Variants in PIK3R6 observed in about 807,000 individuals in gnomAD.
The protein encoded by PIK3R6 is phosphoinositide 3-kinase regulatory subunit 6.
In PIK3R6, 91 loss-of-function variants were observed where a neutral mutation model predicts 84.9. That is an observed-to-expected ratio of 1.07 (90% CI 0.90 to 1.28). The LOEUF (loss-of-function observed/expected upper bound fraction) is 1.28. Ranked by LOEUF, PIK3R6 falls within the 50% of genes most tolerant of loss-of-function variation. PIK3R6 has a pLI of 0.00. For synonymous variants in PIK3R6, 416 were observed against 411.4 expected, an observed-to-expected ratio of 1.01 and a Z score of -0.13; for missense variants, 996 against 985.1, an observed-to-expected ratio of 1.01 and a Z score of -0.15.
At chr17:8,857,917 A>AT (rs1555540464) in intron 1 of PIK3R6, among the ~76,000 whole-genome samples, 106 of 152,086 alleles carry the variant, frequency 7.0e-4, no homozygotes, top group African/African-American at 2.2e-3. Flanking sequence ...AAAAAAAAAA[A>AT]AGGGAAAGTA....
chr17:8,808,470 G>T (rs2087265953), intron 18 of PIK3R6, among the ~76,000 whole-genome samples: 1 of 152,214 alleles, frequency 6.6e-6, no homozygotes, highest in South Asian at 2.1e-4. Context: ...CTGAGTCACA[G>T]AGATATTAAC....
intron 13 of PIK3R6, among the ~76,000 whole-genome samples, chr17:8,824,651 G>A (rs1206685018): frequency 6.6e-6 from 1 of 152,192 alleles, no homozygotes; most frequent in Non-Finnish European, 1.5e-5. Flanking sequence ...AGGAGAAGGG[G>A]AAAACCAAAA....
At chr17:8,814,898 T>A (rs113695338) in intron 18 of PIK3R6, among the ~76,000 whole-genome samples, 3,438 of 151,864 alleles carry the variant, frequency 0.023, 126 homozygotes, top group African/African-American at 0.076. Context: ...CTCTGAAATT[T>A]AGTATTTATG....
intron 10 of PIK3R6, among the ~76,000 whole-genome samples, chr17:8,829,260 C>CA (rs1187495397): frequency 6.7e-6 from 1 of 150,316 alleles, no homozygotes; most frequent in East Asian, 2.1e-4. Context: ...CACGCATACA[C>CA]ACACAGACAC....
At chr17:8,837,915 T>G in intron 4 of PIK3R6, 44 bp from the exon 5 acceptor site, 1 of 1,554,242 alleles carries the variant, frequency 6.4e-7, no homozygotes, top group South Asian at 1.1e-5. Flanking sequence ...GCTGGGGGAA[T>G]CCCCACTTCA....
rs995279330 is a variant in PIK3R6 at position 8,865,725 on chromosome 17, C to T, written c.-92+1804G>A. Among the ~76,000 whole-genome samples, 7 of 152,058 alleles carry T rather than the reference C, an allele frequency of 4.6e-5. 1 individual carries two copies. Among genetic ancestry groups the T allele is most frequent in the Admixed American group, 3.9e-4 (6 of 15,278 alleles). ...GCCCCCTCAACCTTTAGCCCTTGCC[C>T]CCATGAGGTCTACTTCTCAGATTCC... On this transcript the variant is annotated intron_variant, in intron 1 of 19. Coordinates refer to ENST00000619866, the MANE Select transcript of PIK3R6 (RefSeq NM_001010855.4).
At chr17:8,822,183 C>T (rs1251656940) in intron 16 of PIK3R6, among the ~76,000 whole-genome samples, 3 of 151,866 alleles carry the variant, frequency 2.0e-5, no homozygotes, top group Admixed American at 6.6e-5. Flanking sequence ...AGCCACGGTG[C>T]CAGACCCGGT....
chr17:8,840,276 A>G (rs2047139932), intron 2 of PIK3R6, among the ~76,000 whole-genome samples: 1 of 147,924 alleles, frequency 6.8e-6, no homozygotes, highest in Admixed American at 6.9e-5. Context: ...AAATATGTAT[A>G]TGAAATATAT....
At chr17:8,854,627 C>A (rs1252199412) in intron 1 of PIK3R6, among the ~76,000 whole-genome samples, 6 of 152,126 alleles carry the variant, frequency 3.9e-5, no homozygotes, top group African/African-American at 1.4e-4. Context: ...GGTGATGGAA[C>A]AATTGATCAT....
At chr17:8,836,341 C>T (rs1292366143) in intron 7 of PIK3R6, among the ~76,000 whole-genome samples, 1 of 152,216 alleles carries the variant, frequency 6.6e-6, no homozygotes, top group Non-Finnish European at 1.5e-5. Context: ...AAGACCTATC[C>T]TGTGTTCAGT....
intron 18 of PIK3R6, among the ~76,000 whole-genome samples, chr17:8,807,235 G>A (rs564447772): frequency 3.0e-4 from 46 of 152,290 alleles, no homozygotes; most frequent in African/African-American, 9.4e-4. Flanking sequence ...CTCAGAAAGC[G>A]TCAGCTTCCA....
At chr17:8,834,113 C>T (rs1267538332) in intron 8 of PIK3R6, among the ~76,000 whole-genome samples, 1 of 146,408 alleles carries the variant, frequency 6.8e-6, no homozygotes. Context: ...GCCGAGATCA[C>T]GCCACTGCAC....
chr17:8,844,229 T>C lies in PIK3R6; in HGVS notation c.14-4532A>G, dbSNP rs573324451. On this transcript the variant is annotated intron_variant, in intron 2 of 19. Coordinates refer to ENST00000619866, the MANE Select transcript of PIK3R6 (RefSeq NM_001010855.4). The surrounding 1 kb of genome is among the most constrained non-coding windows in gnomAD (Gnocchi z 4.5). ...TCTATCTCCCTCTGCACCTTGCAAG[T>C]CTGGCCAAGCAGTTCTGGTGGCTGT... 5.3e-5 allele frequency among the ~76,000 whole-genome samples: 8 copies of C among 152,318 alleles called. No homozygotes were observed. The highest frequency in any genetic ancestry group is 1.0e-4 in the Non-Finnish European group (7 of 68,028).
At chr17:8,815,541 A>G (rs1238847613) in intron 18 of PIK3R6, among the ~76,000 whole-genome samples, 2 of 152,164 alleles carry the variant, frequency 1.3e-5, no homozygotes, top group Non-Finnish European at 2.9e-5. Context: ...GTACCAGGCA[A>G]CAAAGAAAAT....
chr17:8,823,547 G>T, intron 13 of PIK3R6, 50 bp from the exon 14 acceptor site: 1 of 1,285,996 alleles, frequency 7.8e-7, no homozygotes, highest in East Asian at 2.4e-5. Flanking sequence ...AGGCCACTGT[G>T]GGAGATGCCA....
intron 18 of PIK3R6, among the ~76,000 whole-genome samples, chr17:8,815,189 T>C (rs1293455058): frequency 1.3e-5 from 2 of 152,180 alleles, no homozygotes; most frequent in Admixed American, 6.5e-5. Context: ...ATTCTATAGA[T>C]AGAAAACAAA....
At chr17:8,815,702 G>A (rs1359813109) in intron 18 of PIK3R6, among the ~76,000 whole-genome samples, 1 of 152,094 alleles carries the variant, frequency 6.6e-6, no homozygotes, top group African/African-American at 2.4e-5. Flanking sequence ...GTGAAGCAGG[G>A]ACTCTTGAAG....
rs2088034480 is a variant in PIK3R6, at chr17:8,828,604, T to C, written c.1276A>G (p.Met426Val). The C allele has an allele frequency of 3.7e-6, 6 of 1,613,264 alleles. No individual in the cohort carries two copies. Among genetic ancestry groups the C allele is most frequent in the Non-Finnish European group, 4.2e-6 (5 of 1,179,660 alleles). The change falls in exon 11 of 20, where the codon ATG becomes GTG. Residue 426 changes from methionine (M) to valine (V), a missense_variant. Met to Val is a conservative substitution (Grantham distance 21). Transcript: ENST00000619866. ...TAGGCCTGGGCCAGGCGCCCCAGCATCCTGTCATCTCCGAGCACAAGTACC... is the reference window on the plus strand; with the variant it reads ...TAGGCCTGGGCCAGGCGCCCCAGCACCCTGTCATCTCCGAGCACAAGTACC... ...ARVLVLGDDR[M>V]LGRLAQAYHR...
At chr17:8,814,215 C>T (rs74358047) in intron 18 of PIK3R6, among the ~76,000 whole-genome samples, 89 of 85,526 alleles carry the variant, frequency 1.0e-3, no homozygotes, top group South Asian at 2.8e-3. Context: ...AGAGAGAGAT[C>T]TTTTTTTTTT....
Sources: gnomAD v4.1 joint callset for allele counts (sites outside exome capture counted in the v4.1 genomes callset) on GRCh38, gnomAD v4.1.1 for gene constraint, Gnocchi (gnomAD v3.1) non-coding constraint, MANE v1.5 for transcripts, NCBI Gene and HGNC (gene_info 2026-07-23, HGNC 2026-07-21) for gene names.